The following PARD3B variants were observed in gnomAD, a reference collection of about 807,000 sequenced individuals.
PARD3B encodes the protein partitioning defective 3 homolog B.
PARD3B carries 103 observed loss-of-function variants against 130.2 expected under a neutral mutation model. The observed-to-expected ratio is 0.79, with a 90% CI of 0.67 to 0.93. The LOEUF is 0.93. Ranked by LOEUF, PARD3B falls within the 40% of genes least tolerant of loss-of-function variation. The probability of loss-of-function intolerance (pLI) is 0.00; values close to 1 mark genes in which losing one functional copy is unlikely to be tolerated. For missense variants in PARD3B, 1,609 were observed against 1,499.2 expected (o/e 1.07, Z -1.21); for synonymous variants, 583 against 553.2 (o/e 1.05, Z -0.76).
At chr2:204,861,814 A>T (rs1232910126) in intron 2 of PARD3B, among the ~76,000 whole-genome samples, 1 of 151,552 alleles carries the variant, frequency 6.6e-6, no homozygotes, top group Non-Finnish European at 1.5e-5. Context: ...GATAAGAAGG[A>T]TCCCATAAAA....
intron 20 of PARD3B, among the ~76,000 whole-genome samples, chr2:205,459,103 C>T (rs2048366032): frequency 6.6e-6 from 1 of 152,172 alleles, no homozygotes; most frequent in Admixed American, 6.6e-5. Flanking sequence ...AGTCTCTTTG[C>T]CACTGCACTC....
intron 1 of PARD3B, among the ~76,000 whole-genome samples, chr2:204,591,374 T>C (rs963365585): frequency 5.3e-5 from 8 of 152,236 alleles, no homozygotes; most frequent in African/African-American, 1.7e-4. Context: ...CTGACCCTTT[T>C]GTCTTAAAGG....
chr2:205,251,664 A>G (rs2039855191), intron 16 of PARD3B, among the ~76,000 whole-genome samples: 1 of 152,208 alleles, frequency 6.6e-6, no homozygotes, highest in Non-Finnish European at 1.5e-5. Context: ...ACACTTTGGA[A>G]CACCAGTTAT....
intron 20 of PARD3B, among the ~76,000 whole-genome samples, chr2:205,490,199 G>A (rs1457881457): frequency 2.6e-5 from 4 of 151,844 alleles, no homozygotes; most frequent in Non-Finnish European, 1.5e-5. Flanking sequence ...TGCCATGTTC[G>A]TGTGCTGCAC....
intron 18 of PARD3B, among the ~76,000 whole-genome samples, chr2:205,302,151 C>A (rs1317798923): frequency 7.4e-6 from 1 of 135,834 alleles, no homozygotes; most frequent in Non-Finnish European, 1.5e-5. Context: ...TCACTGCAAC[C>A]TCCGCCTCCT....
At chr2:204,985,767 G>T (rs2125224592) in intron 3 of PARD3B, among the ~76,000 whole-genome samples, 1 of 152,202 alleles carries the variant, frequency 6.6e-6, no homozygotes, top group African/African-American at 2.4e-5. Flanking sequence ...GATGTGTACA[G>T]AATAGACAAA....
intron 21 of PARD3B, among the ~76,000 whole-genome samples, chr2:205,536,087 A>G (rs186698698): frequency 8.5e-5 from 13 of 152,266 alleles, no homozygotes; most frequent in Admixed American, 7.8e-4. Context: ...AGGTTCTTGC[A>G]GTTTGGTTTT....
intron 2 of PARD3B, among the ~76,000 whole-genome samples, chr2:204,694,519 G>A (rs2037518082): frequency 6.6e-6 from 1 of 151,990 alleles, no homozygotes; most frequent in South Asian, 2.1e-4. Flanking sequence ...TTTAGTTAGT[G>A]ATAGAGTGGG....
intron 2 of PARD3B, among the ~76,000 whole-genome samples, chr2:204,949,588 C>T (rs2125821841): frequency 6.6e-6 from 1 of 152,304 alleles, no homozygotes; most frequent in East Asian, 1.9e-4. Flanking sequence ...TCCTGAAGTG[C>T]TGGGATTACA....
intron 20 of PARD3B, among the ~76,000 whole-genome samples, chr2:205,469,916 T>G (rs2048766113): frequency 6.6e-6 from 1 of 152,252 alleles, no homozygotes; most frequent in Admixed American, 6.5e-5. Flanking sequence ...CGAGTATACC[T>G]TCCAGCTCTT....
intron 1 of PARD3B, among the ~76,000 whole-genome samples, chr2:204,549,143 A>G (rs1051288817): frequency 6.6e-6 from 1 of 152,190 alleles, no homozygotes; most frequent in African/African-American, 2.4e-5. Context: ...GGTTGATGCG[A>G]TCCTGAAGAT....
chr2:205,006,007 T>A (rs1362626270), intron 3 of PARD3B, among the ~76,000 whole-genome samples: 1 of 152,186 alleles, frequency 6.6e-6, no homozygotes, highest in Non-Finnish European at 1.5e-5. Flanking sequence ...TATATTAGTC[T>A]TAGGCCTTTG....
chr2:204,716,158 T>C (rs1277071228), intron 2 of PARD3B, among the ~76,000 whole-genome samples: 1 of 152,188 alleles, frequency 6.6e-6, no homozygotes, highest in South Asian at 2.1e-4. Context: ...TATCAAGATA[T>C]TGAGCTCTTT....
intron 22 of PARD3B, 68 bp from the exon 23 acceptor site, chr2:205,615,388 G>A (rs2055389350): frequency 1.5e-5 from 20 of 1,356,678 alleles, no homozygotes; most frequent in Non-Finnish European, 2.0e-5. Flanking sequence ...AGGAGGCTGA[G>A]GAACATGTTC....
At chr2:204,745,724 C>T (rs1174894294) in intron 2 of PARD3B, among the ~76,000 whole-genome samples, 3 of 152,002 alleles carry the variant, frequency 2.0e-5, no homozygotes, top group Non-Finnish European at 4.4e-5. Context: ...TTTCATTACA[C>T]CCAGAAGGTT....
chr2:205,020,300 T>TTG (rs894421994), intron 3 of PARD3B, among the ~76,000 whole-genome samples: 7 of 152,202 alleles, frequency 4.6e-5, no homozygotes, highest in South Asian at 2.1e-4. Context: ...AGCTTGGTAC[T>TTG]TAGTGATACA....
intron 22 of PARD3B, among the ~76,000 whole-genome samples, chr2:205,581,127 T>A (rs1275253175): frequency 6.6e-6 from 1 of 151,822 alleles, no homozygotes; most frequent in Admixed American, 6.6e-5. Flanking sequence ...AAGAGATATC[T>A]GCCCTCCCAC....
intron 2 of PARD3B, among the ~76,000 whole-genome samples, chr2:204,904,332 G>T (rs1035578159): frequency 6.9e-6 from 1 of 144,200 alleles, no homozygotes; most frequent in South Asian, 2.1e-4. Context: ...TATGATGGAG[G>T]CCTGGCCACA....
chr2:205,097,850 T>C (rs1036452003), intron 4 of PARD3B, among the ~76,000 whole-genome samples: 2 of 151,774 alleles, frequency 1.3e-5, no homozygotes, highest in African/African-American at 2.4e-5. Flanking sequence ...TGTGTGTGTG[T>C]GTGTGTGTAG....
Sources: allele counts gnomAD v4.1 joint callset (sites outside exome capture counted in the v4.1 genomes callset), GRCh38; gene constraint gnomAD v4.1.1; transcripts MANE v1.5; gene names NCBI Gene and HGNC (gene_info 2026-07-23, HGNC 2026-07-21).